The following TSHZ2 variants were observed in gnomAD, a reference collection of about 807,000 sequenced individuals.
TSHZ2 encodes the protein teashirt homolog 2.
A neutral mutation model predicts 74.4 loss-of-function variants in TSHZ2; 21 were observed. That is an observed-to-expected ratio of 0.28 (90% CI 0.20 to 0.41). TSHZ2 has a LOEUF of 0.41. TSHZ2 is among the 10% of genes least tolerant of loss of function. TSHZ2 has a pLI of 1.00. For missense variants in TSHZ2, 1,244 were observed against 1,293.5 expected (o/e 0.96, Z 0.59); for synonymous variants, 540 against 515.3 (o/e 1.05, Z -0.65).
At chr20:53,209,044 G>T (rs775922009) in intron 1 of TSHZ2, among the ~76,000 whole-genome samples, 1 of 152,136 alleles carries the variant, frequency 6.6e-6, no homozygotes, top group African/African-American at 2.4e-5. Context: ...CTTTGCATGT[G>T]AAAAAGACAT....
intron 2 of TSHZ2, among the ~76,000 whole-genome samples, chr20:53,417,483 G>C (rs750455353): frequency 1.3e-5 from 2 of 152,074 alleles, no homozygotes; most frequent in Non-Finnish European, 2.9e-5. Flanking sequence ...TTTTAGTAGA[G>C]ACAGGGTTTC....
At chr20:52,979,547 T>C (rs1981482468) in intron 1 of TSHZ2, among the ~76,000 whole-genome samples, 2 of 152,150 alleles carry the variant, frequency 1.3e-5, no homozygotes, top group African/African-American at 4.8e-5. Context: ...AAGAGAAATC[T>C]GAGATGCGAG....
intron 2 of TSHZ2, among the ~76,000 whole-genome samples, chr20:53,484,541 A>G (rs978932467): frequency 2.0e-5 from 3 of 152,088 alleles, no homozygotes; most frequent in African/African-American, 7.2e-5. Context: ...GTGCACCACC[A>G]TGCCCAGCTA....
At chr20:53,282,198 G>A (rs1355685346) in intron 2 of TSHZ2, among the ~76,000 whole-genome samples, 2 of 152,164 alleles carry the variant, frequency 1.3e-5, no homozygotes, top group African/African-American at 4.8e-5. Context: ...TCTCAGAGCT[G>A]ATGTTAAAAT....
intron 2 of TSHZ2, among the ~76,000 whole-genome samples, chr20:53,297,107 T>G (rs1568857214): frequency 6.6e-6 from 1 of 152,228 alleles, no homozygotes; most frequent in Non-Finnish European, 1.5e-5. Flanking sequence ...CAAGTTATTA[T>G]AGTCTTGTAA....
At chr20:53,048,456 C>T (rs957977499) in intron 1 of TSHZ2, among the ~76,000 whole-genome samples, 1 of 152,214 alleles carries the variant, frequency 6.6e-6, no homozygotes, top group African/African-American at 2.4e-5. Flanking sequence ...TTTCCATCTC[C>T]CCTTCGCTTG....
At chr20:53,465,869 T>G (rs2145824142) in intron 2 of TSHZ2, among the ~76,000 whole-genome samples, 1 of 152,018 alleles carries the variant, frequency 6.6e-6, no homozygotes, top group South Asian at 2.1e-4. Flanking sequence ...TTGGCTGAAT[T>G]ATTTAAGTGT....
intron 1 of TSHZ2, among the ~76,000 whole-genome samples, chr20:53,156,183 G>A (rs1017675182): frequency 6.6e-6 from 1 of 152,034 alleles, no homozygotes; most frequent in Non-Finnish European, 1.5e-5. Context: ...TTTCATCATG[G>A]TAATGTTTCT....
intron 1 of TSHZ2, among the ~76,000 whole-genome samples, chr20:53,242,307 C>T (rs1037909396): frequency 1.3e-5 from 2 of 152,096 alleles, no homozygotes; most frequent in African/African-American, 4.8e-5. Flanking sequence ...CCCTGGGGAA[C>T]AAAAACCACC....
intron 2 of TSHZ2, among the ~76,000 whole-genome samples, chr20:53,421,026 A>T (rs991405806): frequency 3.9e-5 from 6 of 152,234 alleles, no homozygotes; most frequent in Admixed American, 2.6e-4. Context: ...GCATAAACTC[A>T]GGACCCTTTC....
intron 1 of TSHZ2, among the ~76,000 whole-genome samples, chr20:53,151,796 T>A (rs990252577): frequency 1.3e-5 from 2 of 152,232 alleles, no homozygotes; most frequent in Non-Finnish European, 1.5e-5. Context: ...ATTTTTAAAT[T>A]TTATATTGGT....
In TSHZ2 at chr20:53,487,547, A is replaced by G. The variant is rs185312520; in HGVS notation, c.*412A>G. On this transcript the variant is annotated 3_prime_UTR_variant, in exon 3 of 3. Transcript: ENST00000371497. ...GGGGGAGTCTAAGTCTTCATAGTCT[A>G]ATGTCCAAGTGGGTTGCACTAGATG... 1.3e-5 allele frequency: 2 copies of G among 152,204 alleles called. No individual in the cohort carries two copies. 9.4% of individuals were successfully genotyped at this position (152,204 alleles called of 1,614,324 possible).
chr20:53,419,396 T>TTAA (rs922493188), intron 2 of TSHZ2, among the ~76,000 whole-genome samples: 7 of 152,150 alleles, frequency 4.6e-5, no homozygotes, highest in African/African-American at 1.7e-4. Flanking sequence ...AAGGTATGTG[T>TTAA]TAATAATAAT....
intron 1 of TSHZ2, among the ~76,000 whole-genome samples, chr20:53,221,250 ATTAAACCTCCTTCCT>A (rs1198035399): frequency 6.6e-6 from 1 of 152,180 alleles, no homozygotes; most frequent in Non-Finnish European, 1.5e-5. Flanking sequence ...CTGTGAGTCC[ATTAAACCTCCTTCCT>A]TTATAAATTA....
At chr20:52,977,076 A>G (rs6123239) in intron 1 of TSHZ2, among the ~76,000 whole-genome samples, 8,126 of 152,272 alleles carry the variant, frequency 0.053, 882 homozygotes, top group East Asian at 0.49. Flanking sequence ...AACATAGTCA[A>G]CAGGGACAAC....
At chr20:53,443,995 G>A (rs563151769) in intron 2 of TSHZ2, among the ~76,000 whole-genome samples, 35 of 152,242 alleles carry the variant, frequency 2.3e-4, no homozygotes, top group East Asian at 5.8e-4. Context: ...GAGGGAACGC[G>A]TCCCTGGGAA....
At chr20:53,441,169 C>T (rs1344800152) in intron 2 of TSHZ2, among the ~76,000 whole-genome samples, 2 of 152,106 alleles carry the variant, frequency 1.3e-5, no homozygotes, top group East Asian at 3.9e-4. Flanking sequence ...ATCAGTAAAA[C>T]TTCTGCTGCT....
At chr20:53,043,226 GT>G (rs1367039852) in intron 1 of TSHZ2, among the ~76,000 whole-genome samples, 2 of 152,298 alleles carry the variant, frequency 1.3e-5, no homozygotes, top group African/African-American at 2.4e-5. Context: ...CATCAGGGAA[GT>G]TTTTATTCTG....
rs186948941 is a variant in TSHZ2, at chr20:53,482,980, A to G, written c.*9-4164A>G. On this transcript the variant is annotated intron_variant, in intron 2 of 2. Transcript: ENST00000371497. ...GTTTTCCCAAAGTGGTCCAAGATTC[A>G]GATCTTCTCTTTACCCTTCTTCAAG... is the stretch of plus-strand genomic sequence containing the variant. Among the ~76,000 whole-genome samples the G allele has an allele frequency of 2.8e-4, 43 of 152,348 alleles. No individual in the cohort carries two copies. In the East Asian group the frequency reaches 6.9e-3, roughly 25 times the overall value.
Sources: allele counts gnomAD v4.1 joint callset (sites outside exome capture counted in the v4.1 genomes callset), GRCh38; gene constraint gnomAD v4.1.1; transcripts MANE v1.5; gene names NCBI Gene and HGNC (gene_info 2026-07-23, HGNC 2026-07-21).